TNR: variants seen among roughly 807,000 people sequenced by gnomAD.
TNR encodes the protein tenascin R.
TNR carries 45 observed loss-of-function variants against 150.4 expected under a neutral mutation model. The ratio of observed to expected loss-of-function variants is 0.30; its 90% CI spans 0.24 to 0.38. TNR has a LOEUF of 0.38. Among genes scored for constraint, TNR ranks in the 10% least tolerant of loss-of-function variants. TNR has a pLI of 1.00. For missense variants in TNR, 1,544 were observed against 1,759.1 expected, an observed-to-expected ratio of 0.88 and a Z score of 2.19; for synonymous variants, 687 against 678.4, an observed-to-expected ratio of 1.01 and a Z score of -0.20.
intron 1 of TNR, among the ~76,000 whole-genome samples, chr1:175,591,557 G>A (rs940310800): frequency 3.9e-5 from 6 of 152,342 alleles, no homozygotes; most frequent in Admixed American, 2.0e-4. Flanking sequence ...GGGAAGGGAA[G>A]AGGCTGCAAG....
At chr1:175,697,055 AC>A (rs1054217470) in intron 1 of TNR, among the ~76,000 whole-genome samples, 4 of 148,954 alleles carry the variant, frequency 2.7e-5, no homozygotes, top group Admixed American at 1.4e-4. Flanking sequence ...AAAAAAAAAA[AC>A]CAGAAACCTG....
At chr1:175,586,508 C>A (rs1662580658) in intron 1 of TNR, among the ~76,000 whole-genome samples, 1 of 152,080 alleles carries the variant, frequency 6.6e-6, no homozygotes, top group Non-Finnish European at 1.5e-5. Context: ...ACCACGTTGG[C>A]CAGGGTGGTC....
At chr1:175,682,381 CAGAG>C (rs1356498536) in intron 1 of TNR, among the ~76,000 whole-genome samples, 3 of 152,202 alleles carry the variant, frequency 2.0e-5, no homozygotes, top group African/African-American at 7.2e-5. Flanking sequence ...AGACGCCGCT[CAGAG>C]AGGCGAGTAC....
rs1383442349 is a variant in TNR at position 175,406,484 on chromosome 1, G to T, written c.231C>A (p.Asn77Lys). ...AGGCCTCTAGCCCTGAGGAGCAGAG[G>T]TTGTCCAAGGGCACGTTAATGTTGT... ...HVYNINVPLD[N>K]LCSSGLEASA... is the part of the protein sequence containing the mutation. Residue 77 changes from asparagine to lysine, a missense_variant, in exon 3 of 23, where the codon AAC becomes AAA. By Grantham distance (94) the Asn-to-Lys change is moderately conservative (BLOSUM62 0). Transcript: ENST00000367674. 6 of 1,614,204 alleles carry T rather than the reference G, an allele frequency of 3.7e-6. No individual in the cohort carries two copies. The highest frequency in any genetic ancestry group is 1.1e-5 in the South Asian group (1 of 91,086).
chr1:175,608,807 GC>G (rs1663495579), intron 1 of TNR, among the ~76,000 whole-genome samples: 1 of 152,192 alleles, frequency 6.6e-6, no homozygotes, highest in Admixed American at 6.6e-5. Context: ...AAGTAAAACA[GC>G]AAGACACCAA....
chr1:175,508,657 T>C (rs1267479274), intron 2 of TNR, among the ~76,000 whole-genome samples: 2 of 152,196 alleles, frequency 1.3e-5, no homozygotes, highest in African/African-American at 4.8e-5. Flanking sequence ...CCCATGGGTG[T>C]GCGTGGGAGC....
At chr1:175,576,646 GCT>G (rs1662121430) in intron 1 of TNR, among the ~76,000 whole-genome samples, 1 of 145,308 alleles carries the variant, frequency 6.9e-6, no homozygotes, top group Non-Finnish European at 1.5e-5. Flanking sequence ...ACCATCCCAA[GCT>G]TGTAAATACT....
intron 2 of TNR, among the ~76,000 whole-genome samples, chr1:175,448,364 A>T (rs375631190): frequency 3.3e-5 from 5 of 152,136 alleles, no homozygotes; most frequent in African/African-American, 1.2e-4. Flanking sequence ...GGTGTGTGCC[A>T]CCACGCCTGG....
intron 1 of TNR, among the ~76,000 whole-genome samples, chr1:175,541,702 T>C (rs1660505816): frequency 6.6e-6 from 1 of 152,196 alleles, no homozygotes; most frequent in Non-Finnish European, 1.5e-5. Context: ...ATGAGGTTGA[T>C]TTACAATTTA....
Position 175,362,796 on chromosome 1 carries a change from G to A in TNR, c.2721C>T (p.Asp907=). The change falls in exon 14 of 23, where the codon GAC becomes GAT. Residue 907 remains aspartate, a synonymous_variant. Transcript: ENST00000367674. ...SYRPTQVGRL[D]SSVVPNTVTE... Reference sequence around the variant, plus strand: ...TCACAGTGTTGGGCACCACTGAGCTGTCTAGTCGTCCCACTGGAGAAGAGA... The same window carrying A: ...TCACAGTGTTGGGCACCACTGAGCTATCTAGTCGTCCCACTGGAGAAGAGA... 1 of 1,614,088 alleles carries A rather than the reference G, an allele frequency of 6.2e-7. No homozygotes were observed. The highest frequency in any genetic ancestry group is 8.5e-7 in the Non-Finnish European group (1 of 1,179,972).
chr1:175,678,653 T>C (rs1227506608), intron 1 of TNR, among the ~76,000 whole-genome samples: 1 of 152,142 alleles, frequency 6.6e-6, no homozygotes, highest in Non-Finnish European at 1.5e-5. Context: ...CTTCAGGGCA[T>C]TGACCAAAGA....
chr1:175,362,948 C>T, intron 13 of TNR, 139 bp from the exon 14 acceptor site: 2 of 1,088,242 alleles, frequency 1.8e-6, no homozygotes, highest in Non-Finnish European at 2.7e-6. Context: ...GGTTCATGGG[C>T]TGGGAATGTT....
intron 1 of TNR, among the ~76,000 whole-genome samples, chr1:175,733,669 G>A (rs908744392): frequency 6.6e-6 from 1 of 152,128 alleles, no homozygotes. Context: ...GACTGATAGT[G>A]GTCTCCTCCC....
At chr1:175,485,610 C>G (rs12757764) in intron 2 of TNR, among the ~76,000 whole-genome samples, 52,440 of 152,012 alleles carry the variant, frequency 0.34, 9,294 homozygotes, top group Non-Finnish European at 0.38. Context: ...TCACTCCCAG[C>G]TTTTCCTGCC....
intron 1 of TNR, among the ~76,000 whole-genome samples, chr1:175,675,487 A>G (rs907412699): frequency 2.6e-5 from 4 of 152,202 alleles, no homozygotes; most frequent in African/African-American, 9.7e-5. Flanking sequence ...CAGTGTATAC[A>G]TGCTCCATAA....
chr1:175,677,983 C>A (rs1206148737), intron 1 of TNR, among the ~76,000 whole-genome samples: 1 of 151,758 alleles, frequency 6.6e-6, no homozygotes, highest in Non-Finnish European at 1.5e-5. Flanking sequence ...CCGAGAAGTG[C>A]ATTAGGCACT....
Position 175,320,835 on chromosome 1 carries a change from G to A in TNR, c.*2522C>T, listed in dbSNP as rs1649002544. 6.9e-6 allele frequency: 1 copy of A among 144,454 alleles called. No homozygotes were observed. Among genetic ancestry groups the A allele is most frequent in the South Asian group, 2.4e-4 (1 of 4,142 alleles). The allele number at this position is 144,454 out of a possible 1,614,324, so 8.9% of individuals were successfully genotyped here. On this transcript the variant is annotated 3_prime_UTR_variant, in exon 23 of 23. Transcript: ENST00000367674. ...TCTTTCCTTCTTTCCTCATTAAACA[G>A]GGAGTCTAGTGAATTTTCATTACCT...
At chr1:175,409,928 T>C (rs1654135291) in intron 2 of TNR, among the ~76,000 whole-genome samples, 1 of 152,222 alleles carries the variant, frequency 6.6e-6, no homozygotes, top group Admixed American at 6.5e-5. Context: ...TATTATATAA[T>C]AGAAATTATG....
chr1:175,450,536 C>T (rs796619525), intron 2 of TNR, among the ~76,000 whole-genome samples: 1 of 152,244 alleles, frequency 6.6e-6, no homozygotes, highest in Non-Finnish European at 1.5e-5. Flanking sequence ...TAGCTCATAA[C>T]ATGTATCACA....
Sources: gnomAD v4.1 joint callset for allele counts (sites outside exome capture counted in the v4.1 genomes callset) on GRCh38, gnomAD v4.1.1 for gene constraint, MANE v1.5 for transcripts, NCBI Gene and HGNC (gene_info 2026-07-23, HGNC 2026-07-21) for gene names.